Variants in TAFA1 observed in about 807,000 individuals in gnomAD.
The protein encoded by TAFA1 is chemokine-like protein TAFA-1.
A neutral mutation model predicts 18.5 loss-of-function variants in TAFA1; 4 were observed. The ratio of observed to expected loss-of-function variants is 0.22; its 90% confidence interval spans 0.11 to 0.49. TAFA1 has a LOEUF of 0.49. Among genes scored for constraint, TAFA1 ranks in the 20% least tolerant of loss-of-function variants. TAFA1 has a pLI of 0.98. For synonymous variants in TAFA1, 56 were observed against 55.2 expected (o/e 1.01, Z -0.06); for missense variants, 147 against 169.0 (o/e 0.87, Z 0.72).
intron 2 of TAFA1, among the ~76,000 whole-genome samples, chr3:68,384,236 G>A (rs2070041348): frequency 6.6e-6 from 1 of 151,890 alleles, no homozygotes; most frequent in Non-Finnish European, 1.5e-5. Flanking sequence ...GGATTGGTTT[G>A]CTCTTGGTTT....
chr3:68,097,032 G>A (rs1282639665), intron 2 of TAFA1, among the ~76,000 whole-genome samples: 3 of 152,028 alleles, frequency 2.0e-5, no homozygotes, highest in Admixed American at 6.6e-5. Context: ...TGTCTACATT[G>A]TGCTTCTGTG....
At chr3:68,334,544 G>A (rs372293320) in intron 2 of TAFA1, among the ~76,000 whole-genome samples, 2 of 152,188 alleles carry the variant, frequency 1.3e-5, no homozygotes, top group East Asian at 1.9e-4. Context: ...TACAAATCAT[G>A]TGGTGATGTT....
intron 2 of TAFA1, among the ~76,000 whole-genome samples, chr3:68,008,703 T>C (rs1704412877): frequency 6.6e-6 from 1 of 152,158 alleles, no homozygotes; most frequent in African/African-American, 2.4e-5. Context: ...CCCCTTCATA[T>C]AATTTTTGAA....
intron 2 of TAFA1, among the ~76,000 whole-genome samples, chr3:68,158,375 C>G (rs1395736959): frequency 3.3e-5 from 5 of 151,968 alleles, no homozygotes; most frequent in African/African-American, 1.2e-4. Flanking sequence ...AAGGGCATTG[C>G]AGGTAGGGGC....
At chr3:68,257,229 T>C (rs552517640) in intron 2 of TAFA1, among the ~76,000 whole-genome samples, 1 of 152,200 alleles carries the variant, frequency 6.6e-6, no homozygotes, top group Admixed American at 6.5e-5. Context: ...ATAACTTTCT[T>C]GGATGGCACT....
At chr3:68,168,016 T>C (rs1390059606) in intron 2 of TAFA1, among the ~76,000 whole-genome samples, 1 of 152,110 alleles carries the variant, frequency 6.6e-6, no homozygotes, top group African/African-American at 2.4e-5. Flanking sequence ...CATTGTCCTG[T>C]GGTAGTGTCC....
intron 4 of TAFA1, among the ~76,000 whole-genome samples, chr3:68,540,439 G>A (rs1185429305): frequency 6.6e-6 from 1 of 152,120 alleles, no homozygotes; most frequent in Non-Finnish European, 1.5e-5. Flanking sequence ...AGTAGAAGGT[G>A]GGAAATCAGG....
intron 2 of TAFA1, among the ~76,000 whole-genome samples, chr3:68,044,153 C>T (rs987686610): frequency 6.6e-6 from 1 of 152,176 alleles, no homozygotes; most frequent in South Asian, 2.1e-4. Flanking sequence ...TTCCTTCATT[C>T]TTCTTTCCTA....
At chr3:68,158,121 C>T (rs2065885322) in intron 2 of TAFA1, among the ~76,000 whole-genome samples, 1 of 152,136 alleles carries the variant, frequency 6.6e-6, no homozygotes, top group African/African-American at 2.4e-5. Context: ...AATCCAATGG[C>T]TCTGCTTGCC....
chr3:68,484,294 C>T (rs1459369602), intron 3 of TAFA1, among the ~76,000 whole-genome samples: 1 of 152,122 alleles, frequency 6.6e-6, no homozygotes, highest in African/African-American at 2.4e-5. Context: ...CCATGTTGAA[C>T]AGCATAGTTT....
chr3:68,409,017 C>A (rs1300811516), intron 2 of TAFA1, among the ~76,000 whole-genome samples: 1 of 152,098 alleles, frequency 6.6e-6, no homozygotes, highest in Admixed American at 6.6e-5. Context: ...CAAAATCATG[C>A]ACACTATAAA....
chr3:68,079,451 A>G (rs1044050339), intron 2 of TAFA1, among the ~76,000 whole-genome samples: 4 of 151,768 alleles, frequency 2.6e-5, no homozygotes, highest in African/African-American at 4.8e-5. Context: ...TGGGCATTTA[A>G]TGCTATAAAT....
At position 68,088,943 on chromosome 3, in the gene TAFA1, G is replaced by C. The variant is rs556140505; in HGVS notation, c.118+82199G>C. On this transcript the variant is annotated intron_variant, in intron 2 of 4. Transcript: ENST00000478136. ...GGACATGCTGGTAACTAGGATGTAG[G>C]GGGAGAGGGAAGGAGATGTTCAATA... 4.6e-5 allele frequency among the ~76,000 whole-genome samples: 7 copies of C among 152,232 alleles called. No homozygotes were observed. In the South Asian group the frequency reaches 8.3e-4, roughly 18 times the overall value.
At chr3:68,374,128 T>TC (rs2069764523) in intron 2 of TAFA1, among the ~76,000 whole-genome samples, 1 of 152,308 alleles carries the variant, frequency 6.6e-6, no homozygotes. Flanking sequence ...CTGCTTCTCA[T>TC]CCCACATGGT....
chr3:68,509,702 A>T (rs1488320196), intron 3 of TAFA1, among the ~76,000 whole-genome samples: 1 of 152,120 alleles, frequency 6.6e-6, no homozygotes. Context: ...CAGCTATGTA[A>T]AGGTAATGTA....
chr3:68,365,900 C>T (rs2069559658), intron 2 of TAFA1, among the ~76,000 whole-genome samples: 1 of 151,994 alleles, frequency 6.6e-6, no homozygotes, highest in South Asian at 2.1e-4. Flanking sequence ...AACCAGCCAA[C>T]ATAGTGAAAC....
intron 3 of TAFA1, among the ~76,000 whole-genome samples, chr3:68,490,556 C>T (rs554453948): frequency 4.0e-4 from 61 of 152,152 alleles, no homozygotes; most frequent in Non-Finnish European, 5.6e-4. Flanking sequence ...AGTTTGGATA[C>T]AGAAGAACAG....
At chr3:68,356,324 C>T (rs1397030271) in intron 2 of TAFA1, among the ~76,000 whole-genome samples, 1 of 151,878 alleles carries the variant, frequency 6.6e-6, no homozygotes, top group South Asian at 2.1e-4. Context: ...ATGATTAAAA[C>T]TTGTCCCTAA....
intron 2 of TAFA1, among the ~76,000 whole-genome samples, chr3:68,143,984 T>C (rs1380654668): frequency 6.6e-6 from 1 of 150,402 alleles, no homozygotes; most frequent in East Asian, 1.9e-4. Context: ...CCTGGAGGAG[T>C]CTTTTTTTTT....
Sources: allele counts gnomAD v4.1 joint callset (sites outside exome capture counted in the v4.1 genomes callset), GRCh38; gene constraint gnomAD v4.1.1; transcripts MANE v1.5; gene names NCBI Gene and HGNC (gene_info 2026-07-23, HGNC 2026-07-21).